The following TSHZ3 variants were observed in gnomAD, a reference collection of about 807,000 sequenced individuals.
TSHZ3 encodes teashirt zinc finger homeobox 3.
Under a neutral mutation model 64.5 loss-of-function variants are expected in TSHZ3, and 10 were observed. The observed-to-expected ratio is 0.16, with a 90% CI of 0.10 to 0.26. The LOEUF (loss-of-function observed/expected upper bound fraction) is 0.26. Among genes scored for constraint, TSHZ3 ranks in the 10% least tolerant of loss-of-function variants. The pLI is 1.00. For missense variants in TSHZ3, 1,242 were observed against 1,421.7 expected, an observed-to-expected ratio of 0.87 and a Z score of 2.03; for synonymous variants, 608 against 593.1, an observed-to-expected ratio of 1.03 and a Z score of -0.36.
At chr19:31,160,404 T>A (rs1974360756) in intron 5 of TSHZ3, among the ~76,000 whole-genome samples, 1 of 152,170 alleles carries the variant, frequency 6.6e-6, no homozygotes, top group African/African-American at 2.4e-5. Context: ...CTCTTCTTTG[T>A]GCAGCTCTTC....
At chr19:31,313,931 C>A (rs753767425) in intron 1 of TSHZ3, among the ~76,000 whole-genome samples, 5 of 152,212 alleles carry the variant, frequency 3.3e-5, no homozygotes, top group Non-Finnish European at 7.3e-5. Flanking sequence ...GAAGTCTTTG[C>A]GCCACAGAAT....
At chr19:31,208,025 C>G (rs560780137) in intron 4 of TSHZ3, among the ~76,000 whole-genome samples, 1 of 152,152 alleles carries the variant, frequency 6.6e-6, no homozygotes, top group African/African-American at 2.4e-5. Context: ...TTATAGAAAC[C>G]TCTGTCCTGC....
chr19:31,278,936 G>C lies in TSHZ3; in HGVS notation c.857C>G (p.Ser286Cys), dbSNP rs994020303. Residue 286 changes from serine to cysteine, a missense_variant, in exon 2 of 2, where the codon TCC becomes TGC. Coordinates refer to ENST00000240587, the MANE Select transcript of TSHZ3 (RefSeq NM_020856.4). This position sits in a 1 kb window ranked among gnomAD's most constrained non-coding sequence, Gnocchi z 4.7. ...KCMYCGHSFE[S>C]LQDLSVHMIK... is the part of the protein sequence containing the mutation. ...CATATGGACACTCAAATCCTGCAGG[G>C]ACTCAAAGGAGTGGCCACAGTACAT... is the stretch of plus-strand genomic sequence containing the variant. 1.2e-6 allele frequency: 2 copies of C among 1,614,148 alleles called. No homozygotes were observed. Among genetic ancestry groups the C allele is most frequent in the Non-Finnish European group, 1.7e-6 (2 of 1,180,028 alleles).
intron 4 of TSHZ3, among the ~76,000 whole-genome samples, chr19:31,227,861 T>G (rs1313549456): frequency 6.6e-6 from 1 of 152,196 alleles, no homozygotes. Context: ...CCAGAAACCT[T>G]GGAATCATCT....
At chr19:31,150,192 G>A (rs1384734683) in exon 7 of TSHZ3, among the ~76,000 whole-genome samples, 1 of 152,162 alleles carries the variant, frequency 6.6e-6, no homozygotes, top group Non-Finnish European at 1.5e-5. Flanking sequence ...AAAACGCCCG[G>A]GTTGCTGAGA....
chr19:31,344,692 AG>A (rs1349007459), intron 1 of TSHZ3, among the ~76,000 whole-genome samples: 2 of 152,228 alleles, frequency 1.3e-5, no homozygotes, highest in East Asian at 3.9e-4. Context: ...TCTGCCTTCA[AG>A]AAGGTAGGTC....
intron 5 of TSHZ3, among the ~76,000 whole-genome samples, chr19:31,192,557 G>GA (rs554592687): frequency 5.5e-4 from 84 of 152,144 alleles, no homozygotes; most frequent in African/African-American, 1.9e-3. Context: ...TTTATTTCTG[G>GA]AAAAATATAG....
intron 5 of TSHZ3, among the ~76,000 whole-genome samples, chr19:31,179,801 CAAT>C (rs1031013661): frequency 6.5e-5 from 9 of 138,962 alleles, no homozygotes; most frequent in East Asian, 4.2e-4. Context: ...GTGGTGGTAA[CAAT>C]GATGATGGTG....
intron 1 of TSHZ3, among the ~76,000 whole-genome samples, chr19:31,301,858 T>C (rs1232182918): frequency 6.6e-6 from 1 of 152,094 alleles, no homozygotes; most frequent in Admixed American, 6.5e-5. Flanking sequence ...CAAAGGCCCC[T>C]CATACCCACC....
intron 1 of TSHZ3, among the ~76,000 whole-genome samples, chr19:31,296,295 C>G (rs1437321967): frequency 1.3e-5 from 2 of 150,306 alleles, no homozygotes; most frequent in Middle Eastern, 3.5e-3. Flanking sequence ...TGTTCACAAG[C>G]ACACCTTCAT....
At chr19:31,195,062 G>A (rs745820916) in intron 5 of TSHZ3, among the ~76,000 whole-genome samples, 1 of 151,968 alleles carries the variant, frequency 6.6e-6, no homozygotes, top group Non-Finnish European at 1.5e-5. Context: ...AGAAAAAAAT[G>A]GGGGGGAAGC....
chr19:31,150,973 T>C (rs1974230774), exon 7 of TSHZ3, among the ~76,000 whole-genome samples: 1 of 152,190 alleles, frequency 6.6e-6, no homozygotes, highest in Admixed American at 6.5e-5. Flanking sequence ...TCTTCTATTC[T>C]TCTTGGCTTC....
intron 6 of TSHZ3, among the ~76,000 whole-genome samples, chr19:31,154,131 C>T (rs1326642589): frequency 6.6e-6 from 1 of 152,208 alleles, no homozygotes; most frequent in African/African-American, 2.4e-5. Context: ...GGCTTACCTG[C>T]AGGGCCCAGA....
intron 4 of TSHZ3, among the ~76,000 whole-genome samples, chr19:31,215,913 T>C (rs1178003790): frequency 6.6e-6 from 1 of 151,748 alleles, no homozygotes; most frequent in East Asian, 1.9e-4. Context: ...ATAGGATCTA[T>C]AGTAGAGTTT....
Position 31,349,425 on chromosome 19 carries a change from G to A in TSHZ3, c.-206C>T. The A allele has an allele frequency of 2.4e-6, 1 of 414,206 alleles. No homozygotes were observed. Among genetic ancestry groups the A allele is most frequent in the East Asian group, 4.0e-5 (1 of 25,098 alleles). 25.7% of individuals were successfully genotyped at this position (414,206 alleles called of 1,614,324 possible). On this transcript the variant is annotated 5_prime_UTR_variant, in exon 1 of 2. Coordinates refer to ENST00000240587, the MANE Select transcript of TSHZ3 (RefSeq NM_020856.4). ...GCTCCGCCGCGAACCCCGAACGTGC[G>A]GAGGGAAGAAGGAGGGCGGGCGAGG...
intron 3 of TSHZ3, among the ~76,000 whole-genome samples, chr19:31,233,475 A>G (rs1285917565): frequency 6.6e-6 from 1 of 152,030 alleles, no homozygotes; most frequent in African/African-American, 2.4e-5. Flanking sequence ...AACTTTGTAG[A>G]CTCTGGATAC....
intron 1 of TSHZ3, 121 bp downstream of exon 1, chr19:31,349,059 C>T (rs915052885): frequency 7.7e-7 from 1 of 1,299,578 alleles, no homozygotes; most frequent in East Asian, 3.0e-5. Context: ...GAGAGCGGCG[C>T]CCGGAGTTAC....
chr19:31,210,401 C>T (rs1234812268), intron 4 of TSHZ3, among the ~76,000 whole-genome samples: 1 of 152,170 alleles, frequency 6.6e-6, no homozygotes, highest in African/African-American at 2.4e-5. Context: ...TGACAAGGGC[C>T]AGTGGCAGAG....
chr19:31,159,817 C>T (rs1353854101), intron 5 of TSHZ3, among the ~76,000 whole-genome samples: 1 of 152,102 alleles, frequency 6.6e-6, no homozygotes, highest in African/African-American at 2.4e-5. Context: ...CTCAGCCCCC[C>T]AAGTAACTGA....
Sources: allele counts gnomAD v4.1 joint callset (sites outside exome capture counted in the v4.1 genomes callset), GRCh38; gene constraint gnomAD v4.1.1; non-coding constraint Gnocchi (gnomAD v3.1); transcripts MANE v1.5; gene names NCBI Gene and HGNC (gene_info 2026-07-23, HGNC 2026-07-21).